Variants in ADD3 observed in about 807,000 individuals in gnomAD.
ADD3 encodes the protein adducin 3.
A neutral mutation model predicts 80.2 loss-of-function variants in ADD3; 25 were observed. The observed-to-expected ratio is 0.31, with a 90% CI of 0.23 to 0.44. The LOEUF (loss-of-function observed/expected upper bound fraction) is 0.44. Among genes scored for constraint, ADD3 ranks in the 20% least tolerant of loss-of-function variants. The pLI, the probability that ADD3 is intolerant of heterozygous loss-of-function variation, is 1.00. For synonymous variants in ADD3, 284 were observed against 289.6 expected, an observed-to-expected ratio of 0.98 and a Z score of 0.20; for missense variants, 829 against 847.5, an observed-to-expected ratio of 0.98 and a Z score of 0.27.
At chr10:110,079,606 A>G (rs1845832405) in intron 1 of ADD3, among the ~76,000 whole-genome samples, 1 of 150,466 alleles carries the variant, frequency 6.6e-6, no homozygotes, top group African/African-American at 2.5e-5. Context: ...CCTAGGTTGG[A>G]GTATAGTGGC....
chr10:110,078,702 C>G (rs184676869), intron 1 of ADD3, among the ~76,000 whole-genome samples: 21 of 152,156 alleles, frequency 1.4e-4, no homozygotes, highest in Admixed American at 1.2e-3. Context: ...ATGACACACA[C>G]GAACCACTTT....
At chr10:110,052,413 G>C (rs988983544) in intron 1 of ADD3, among the ~76,000 whole-genome samples, 3 of 152,184 alleles carry the variant, frequency 2.0e-5, no homozygotes, top group Non-Finnish European at 2.9e-5. Context: ...CTTCCTATCA[G>C]ATCAGTGGTA....
intron 1 of ADD3, among the ~76,000 whole-genome samples, chr10:110,046,720 G>T (rs915949312): frequency 6.6e-6 from 1 of 152,100 alleles, no homozygotes; most frequent in African/African-American, 2.4e-5. Context: ...GCCTCACTAA[G>T]GTAGTGGTGA....
intron 3 of ADD3, among the ~76,000 whole-genome samples, chr10:110,114,767 C>T (rs755757403): frequency 6.6e-5 from 10 of 151,990 alleles, no homozygotes; most frequent in East Asian, 3.9e-4. Flanking sequence ...CATGTTATTG[C>T]GTTGTAGGCA....
chr10:110,031,411 G>A (rs966603103), intron 1 of ADD3, among the ~76,000 whole-genome samples: 3 of 152,188 alleles, frequency 2.0e-5, no homozygotes, highest in African/African-American at 2.4e-5. Flanking sequence ...TCTAAATTAC[G>A]AAGAAACAGA....
chr10:110,013,726 C>G (rs1264274273), intron 1 of ADD3, among the ~76,000 whole-genome samples: 1 of 152,042 alleles, frequency 6.6e-6, no homozygotes, highest in East Asian at 1.9e-4. Context: ...TCTTACTTTC[C>G]CCTCCCTCAC....
intron 5 of ADD3, among the ~76,000 whole-genome samples, chr10:110,117,948 A>T (rs927362063): frequency 1.3e-5 from 2 of 151,440 alleles, no homozygotes; most frequent in Admixed American, 6.6e-5. Context: ...TCCATAAGGT[A>T]GAGGTTGCAG....
At chr10:110,128,821 A>G (rs1013694934) in intron 12 of ADD3, among the ~76,000 whole-genome samples, 1 of 151,960 alleles carries the variant, frequency 6.6e-6, no homozygotes, top group Non-Finnish European at 1.5e-5. Context: ...TCAATTTTAA[A>G]TTTTCTTCAT....
At chr10:110,099,358 C>T (rs1010451671) in intron 1 of ADD3, among the ~76,000 whole-genome samples, 1 of 152,140 alleles carries the variant, frequency 6.6e-6, no homozygotes. Flanking sequence ...TTACTCTCCT[C>T]TCTAGCATAT....
chr10:110,036,844 A>G (rs1273823190), intron 1 of ADD3, among the ~76,000 whole-genome samples: 1 of 152,152 alleles, frequency 6.6e-6, no homozygotes, highest in African/African-American at 2.4e-5. Context: ...TAGTGTTATG[A>G]CTAGCCTTCT....
At chr10:110,092,267 A>G (rs751732590) in intron 1 of ADD3, among the ~76,000 whole-genome samples, 10 of 152,170 alleles carry the variant, frequency 6.6e-5, no homozygotes, top group Non-Finnish European at 1.2e-4. Flanking sequence ...ACAAGCGCAA[A>G]TATGTTCATT....
At chr10:110,111,590 T>A (rs922968031) in intron 2 of ADD3, among the ~76,000 whole-genome samples, 9 of 152,090 alleles carry the variant, frequency 5.9e-5, no homozygotes, top group Non-Finnish European at 8.8e-5. Context: ...AACTCCAGAA[T>A]AGGAACATAT....
chr10:110,113,314 C>T (rs774360160), intron 3 of ADD3, among the ~76,000 whole-genome samples: 2 of 152,186 alleles, frequency 1.3e-5, no homozygotes, highest in Non-Finnish European at 2.9e-5. Flanking sequence ...GTCGCCGAGG[C>T]TGGAGTACAG....
intron 1 of ADD3, among the ~76,000 whole-genome samples, chr10:110,047,337 T>C (rs922733451): frequency 6.6e-6 from 1 of 152,240 alleles, no homozygotes; most frequent in South Asian, 2.1e-4. Context: ...AATGTACTTA[T>C]AGTTGGAGAC....
chr10:110,009,435 A>T (rs996214668), intron 1 of ADD3, among the ~76,000 whole-genome samples: 6 of 152,188 alleles, frequency 3.9e-5, no homozygotes, highest in Admixed American at 2.0e-4. Flanking sequence ...AAAGATTGAA[A>T]AAATAAGAGT....
chr10:110,081,356 G>A (rs1417586078), intron 1 of ADD3, among the ~76,000 whole-genome samples: 1 of 152,140 alleles, frequency 6.6e-6, no homozygotes, highest in Non-Finnish European at 1.5e-5. Context: ...AGACAGTCTT[G>A]CTTAGAATCC....
At chr10:110,002,206 C>G (rs1265947292), upstream of ADD3, among the ~76,000 whole-genome samples, 1 of 151,862 alleles carries the variant, frequency 6.6e-6, no homozygotes, top group East Asian at 2.0e-4. Context: ...GCAGGAGAAA[C>G]GCTTGAACCC....
chr10:110,033,445 C>T (rs542521038), intron 1 of ADD3, among the ~76,000 whole-genome samples: 1 of 152,178 alleles, frequency 6.6e-6, no homozygotes, highest in Non-Finnish European at 1.5e-5. Flanking sequence ...GTTCTCAGGG[C>T]AGTCCCAGAA....
chr10:110,074,360 CT>C (rs2133686486), intron 1 of ADD3, among the ~76,000 whole-genome samples: 2 of 152,300 alleles, frequency 1.3e-5, no homozygotes, highest in Non-Finnish European at 2.9e-5. Context: ...GTTTCATTCA[CT>C]CCCCTATTTG....
Sources: allele counts gnomAD v4.1 joint callset (sites outside exome capture counted in the v4.1 genomes callset), GRCh38; gene constraint gnomAD v4.1.1; transcripts MANE v1.5; gene names NCBI Gene and HGNC (gene_info 2026-07-23, HGNC 2026-07-21).